PVT1: variants seen among roughly 807,000 people sequenced by gnomAD.
PVT1 encodes Pvt1 oncogene.
intron 4 of PVT1, among the ~76,000 whole-genome samples, chr8:128,027,994 G>A (rs921123426): frequency 2.6e-5 from 4 of 152,214 alleles, no homozygotes; most frequent in African/African-American, 9.6e-5. Context: ...AGTGCCAAGT[G>A]CACCTTGCAT....
At chr8:127,980,638 T>C (rs1816872552) in intron 3 of PVT1, among the ~76,000 whole-genome samples, 1 of 152,276 alleles carries the variant, frequency 6.6e-6, no homozygotes, top group African/African-American at 2.4e-5. Context: ...ACGTTTGAAC[T>C]CCCAGGAGCC....
intron 5 of PVT1, among the ~76,000 whole-genome samples, chr8:128,091,819 C>A (rs554645448): frequency 7.8e-4 from 116 of 149,662 alleles, no homozygotes; most frequent in African/African-American, 2.8e-3. Flanking sequence ...ATCATAAGCA[C>A]CCCACAGGTG....
At chr8:128,036,776 C>T (rs57024986) in intron 4 of PVT1, among the ~76,000 whole-genome samples, 53,921 of 152,034 alleles carry the variant, frequency 0.35, 9,865 homozygotes, top group Non-Finnish European at 0.4. Flanking sequence ...GCAGGGTTAC[C>T]GCACCTGGGT....
At chr8:127,984,851 TTCTTTC>T (rs1285460140) in intron 3 of PVT1, among the ~76,000 whole-genome samples, 11 of 30,188 alleles carry the variant, frequency 3.6e-4, no homozygotes, top group African/African-American at 8.8e-4. Context: ...CTTTCTTTCT[TTCTTTC>T]TTTCTTTCTT....
At chr8:127,908,257 A>G (rs1815846894) in intron 3 of PVT1, among the ~76,000 whole-genome samples, 2 of 151,578 alleles carry the variant, frequency 1.3e-5, no homozygotes, top group African/African-American at 4.9e-5. Flanking sequence ...GGCCGTGAGG[A>G]GGGTGGATCT....
chr8:127,918,105 C>T (rs1353055304), intron 3 of PVT1, among the ~76,000 whole-genome samples: 2 of 152,276 alleles, frequency 1.3e-5, no homozygotes, highest in Non-Finnish European at 2.9e-5. Flanking sequence ...CCTTTCATCT[C>T]TGCTCTCAAA....
intron 3 of PVT1, among the ~76,000 whole-genome samples, chr8:127,966,491 A>G (rs1211649291): frequency 6.6e-6 from 1 of 152,190 alleles, no homozygotes; most frequent in Non-Finnish European, 1.5e-5. Flanking sequence ...AAACTGGGAC[A>G]TAACTGGGGC....
chr8:128,007,185 T>C (rs974874309), intron 4 of PVT1, among the ~76,000 whole-genome samples: 2 of 152,156 alleles, frequency 1.3e-5, no homozygotes, highest in Admixed American at 6.5e-5. Context: ...GCGTTCTGCA[T>C]TGGAAAAAAG....
intron 4 of PVT1, among the ~76,000 whole-genome samples, chr8:128,067,052 TC>T (rs1813919384): frequency 1.3e-5 from 2 of 152,200 alleles, no homozygotes; most frequent in Admixed American, 6.5e-5. Flanking sequence ...CAGAGGACTT[TC>T]CTTTGCAGCC....
intron 2 of PVT1, among the ~76,000 whole-genome samples, chr8:127,868,709 G>C (rs897384555): frequency 1.0e-4 from 11 of 105,376 alleles, no homozygotes; most frequent in African/African-American, 3.6e-4. Context: ...CTGGCCCACA[G>C]GTTTTTTTTA....
intron 3 of PVT1, among the ~76,000 whole-genome samples, chr8:127,942,894 A>G (rs16902487): frequency 0.016 from 2,496 of 152,316 alleles, 69 homozygotes; most frequent in African/African-American, 0.057. Context: ...TGAGATTTGT[A>G]TAAACTGTCA....
intron 4 of PVT1, among the ~76,000 whole-genome samples, chr8:128,046,612 T>G (rs1263350391): frequency 2.0e-5 from 3 of 152,216 alleles, no homozygotes; most frequent in African/African-American, 7.2e-5. Context: ...CCATCGCATC[T>G]GGAGGGAGAA....
At chr8:127,912,109 T>C (rs1257721744) in intron 3 of PVT1, among the ~76,000 whole-genome samples, 1 of 152,210 alleles carries the variant, frequency 6.6e-6, no homozygotes, top group Non-Finnish European at 1.5e-5. Context: ...TTTCTCCAGA[T>C]CCCACATGTG....
At chr8:128,059,803 A>G (rs140370008) in intron 4 of PVT1, among the ~76,000 whole-genome samples, 1 of 152,298 alleles carries the variant, frequency 6.6e-6, no homozygotes, top group African/African-American at 2.4e-5. Flanking sequence ...AGGTTCAGAA[A>G]CTACCTGAAG....
At chr8:128,013,989 G>A (rs561596965) in intron 4 of PVT1, among the ~76,000 whole-genome samples, 8 of 152,306 alleles carry the variant, frequency 5.3e-5, no homozygotes, top group South Asian at 2.1e-4. Flanking sequence ...CTATAGACAC[G>A]TATATGAGGA....
At chr8:127,903,577 A>C (rs1247854051) in intron 3 of PVT1, among the ~76,000 whole-genome samples, 3 of 152,198 alleles carry the variant, frequency 2.0e-5, no homozygotes, top group Non-Finnish European at 4.4e-5. Flanking sequence ...TTAAGTCTTT[A>C]ATCCATGTTG....
chr8:127,900,914 A>G (rs1287690781), intron 3 of PVT1, among the ~76,000 whole-genome samples: 5 of 152,134 alleles, frequency 3.3e-5, no homozygotes, highest in African/African-American at 9.7e-5. Flanking sequence ...GCCCCACACC[A>G]TGTACCAGCT....
intron 3 of PVT1, among the ~76,000 whole-genome samples, chr8:127,910,897 G>A (rs1815889186): frequency 7.1e-6 from 1 of 140,300 alleles, no homozygotes; most frequent in South Asian, 2.4e-4. Context: ...GTGTGTTTGT[G>A]TGTGTGTGTG....
chr8:128,072,608 G>A (rs1457386319), intron 5 of PVT1, among the ~76,000 whole-genome samples: 4 of 152,014 alleles, frequency 2.6e-5, no homozygotes, highest in Non-Finnish European at 4.4e-5. Context: ...TAGTCACCGC[G>A]AGGCTCAGGA....
Sources: allele counts gnomAD v4.1 joint callset (sites outside exome capture counted in the v4.1 genomes callset), GRCh38; gene constraint gnomAD v4.1.1; transcripts MANE v1.5; gene names NCBI Gene and HGNC (gene_info 2026-07-23, HGNC 2026-07-21).